The following GSE1 variants were observed in gnomAD, a reference collection of about 807,000 sequenced individuals.
The protein encoded by GSE1 is Gse1 coiled-coil protein.
Under a neutral mutation model 112.6 loss-of-function variants are expected in GSE1, and 32 were observed. That is an observed-to-expected ratio of 0.28 (90% CI 0.21 to 0.38). The LOEUF (loss-of-function observed/expected upper bound fraction) is 0.38. Ranked by LOEUF, GSE1 falls within the 10% of genes least tolerant of loss-of-function variation. GSE1 has a pLI of 1.00. For synonymous variants in GSE1, 1,115 were observed against 735.6 expected (o/e 1.52, Z -8.35); for missense variants, 2,348 against 1,699.2 (o/e 1.38, Z -6.71).
At chr16:85,248,090 T>G (rs1906055161) in intron 1 of GSE1, among the ~76,000 whole-genome samples, 1 of 152,114 alleles carries the variant, frequency 6.6e-6, no homozygotes. Context: ...TGAGAGTGGG[T>G]GGGGTGCGTA....
chr16:85,533,124 T>C (rs2151187834), intron 2 of GSE1, among the ~76,000 whole-genome samples: 1 of 152,240 alleles, frequency 6.6e-6, no homozygotes, highest in South Asian at 2.1e-4. Flanking sequence ...TAGAAATTTC[T>C]CTGTTTGGCC....
intron 1 of GSE1, 27 bp downstream of exon 1, chr16:85,613,425 C>T (rs1252902454): frequency 1.9e-6 from 3 of 1,540,786 alleles, no homozygotes; most frequent in South Asian, 2.4e-5. Context: ...CGGCCGGGGA[C>T]GGGGTCCTCC....
chr16:85,426,929 T>G (rs951090935), intron 2 of GSE1, among the ~76,000 whole-genome samples: 1 of 152,188 alleles, frequency 6.6e-6, no homozygotes, highest in African/African-American at 2.4e-5. Flanking sequence ...GACTGTGGTG[T>G]GTCCCATAGA....
chr16:85,550,416 G>A (rs1361815021), intron 2 of GSE1, among the ~76,000 whole-genome samples: 2 of 152,178 alleles, frequency 1.3e-5, no homozygotes, highest in Non-Finnish European at 2.9e-5. Context: ...AACAGCAGCT[G>A]GCACAGACTG....
chr16:85,210,604 C>G (rs2075208802), intron 1 of GSE1, among the ~76,000 whole-genome samples: 1 of 152,086 alleles, frequency 6.6e-6, no homozygotes, highest in African/African-American at 2.4e-5. Context: ...AAAAACACCC[C>G]AGTGATGTCA....
At chr16:85,650,275 G>A (rs1426548593) in intron 3 of GSE1, among the ~76,000 whole-genome samples, 1 of 151,846 alleles carries the variant, frequency 6.6e-6, no homozygotes, top group African/African-American at 2.4e-5. Context: ...TGCCTCCAGA[G>A]GCCGCCCCCC....
At chr16:85,230,354 CTTTGTATTATATTGAAAGGGT>C (rs1904275250) in intron 1 of GSE1, among the ~76,000 whole-genome samples, 1 of 152,116 alleles carries the variant, frequency 6.6e-6, no homozygotes, top group South Asian at 2.1e-4. Flanking sequence ...TTCTAAATCA[CTTTGTATTATATTGAAAGGGT>C]TTGTGTTACC....
chr16:85,240,150 G>A (rs1056654302), intron 1 of GSE1, among the ~76,000 whole-genome samples: 4 of 152,224 alleles, frequency 2.6e-5, no homozygotes, highest in South Asian at 2.1e-4. Context: ...TTCTCCAAGC[G>A]TTCTTGTGAA....
chr16:85,657,803 C>G (rs1471397613), intron 8 of GSE1, among the ~76,000 whole-genome samples, 199 bp downstream of exon 8: 1 of 152,190 alleles, frequency 6.6e-6, no homozygotes, highest in East Asian at 1.9e-4. Flanking sequence ...ATGGATTGCT[C>G]AAAGGTATCC....
chr16:85,251,965 G>A (rs1054942722), intron 1 of GSE1, among the ~76,000 whole-genome samples: 2 of 152,234 alleles, frequency 1.3e-5, no homozygotes, highest in African/African-American at 4.8e-5. Context: ...GGTAGGAACT[G>A]CTGTCAGCTC....
At chr16:85,339,559 A>T (rs2046579463) in intron 1 of GSE1, among the ~76,000 whole-genome samples, 1 of 150,718 alleles carries the variant, frequency 6.6e-6, no homozygotes, top group Non-Finnish European at 1.5e-5. Context: ...AAAGGCACTA[A>T]AATTGCTGTC....
intron 2 of GSE1, among the ~76,000 whole-genome samples, chr16:85,545,912 A>G (rs2044679304): frequency 6.6e-6 from 1 of 151,542 alleles, no homozygotes; most frequent in Non-Finnish European, 1.5e-5. Context: ...CCTCCCGAGT[A>G]GCTGGGACTA....
At chr16:85,486,756 C>T (rs967979883) in intron 2 of GSE1, among the ~76,000 whole-genome samples, 1 of 152,212 alleles carries the variant, frequency 6.6e-6, no homozygotes, top group Non-Finnish European at 1.5e-5. Context: ...GTTGCACAGG[C>T]TGTTCTCGGG....
chr16:85,482,820 A>G (rs988906412), intron 2 of GSE1, among the ~76,000 whole-genome samples: 1 of 152,148 alleles, frequency 6.6e-6, no homozygotes, highest in East Asian at 1.9e-4. Flanking sequence ...CCTACTAAAA[A>G]TACAAAGATT....
chr16:85,473,844 G>A (rs1413823249), intron 2 of GSE1, among the ~76,000 whole-genome samples: 1 of 152,120 alleles, frequency 6.6e-6, no homozygotes, highest in East Asian at 1.9e-4. Context: ...CTGGTGGGGA[G>A]CAGGGCGCTG....
At chr16:85,460,484 G>A (rs374633800) in intron 2 of GSE1, among the ~76,000 whole-genome samples, 7 of 152,378 alleles carry the variant, frequency 4.6e-5, no homozygotes, top group Admixed American at 2.6e-4. Flanking sequence ...TAGACAATGG[G>A]AAGAAAGCAC....
chr16:85,279,765 C>G (rs971702306), intron 1 of GSE1, among the ~76,000 whole-genome samples: 3 of 152,160 alleles, frequency 2.0e-5, no homozygotes, highest in Non-Finnish European at 4.4e-5. Flanking sequence ...GGTGTTTTCT[C>G]AACTCCAACT....
At chr16:85,246,434 T>TACACACACACACACAC (rs141045364) in intron 1 of GSE1, among the ~76,000 whole-genome samples, 1 of 44,442 alleles carries the variant, frequency 2.3e-5, no homozygotes, top group Non-Finnish European at 4.1e-5. Flanking sequence ...CCATGCTCTC[T>TACACACACACACACAC]ACACACACAC....
intron 1 of GSE1, among the ~76,000 whole-genome samples, chr16:85,627,012 T>TCCA (rs1010669530): frequency 1.4e-5 from 2 of 142,250 alleles, no homozygotes; most frequent in African/African-American, 5.2e-5. Context: ...CTTGTCCCTC[T>TCCA]CCACTGGGAC....
Sources: allele counts gnomAD v4.1 joint callset (sites outside exome capture counted in the v4.1 genomes callset), GRCh38; gene constraint gnomAD v4.1.1; transcripts MANE v1.5; gene names NCBI Gene and HGNC (gene_info 2026-07-23, HGNC 2026-07-21).